The following TMEM272 variants were observed in gnomAD, a reference collection of about 807,000 sequenced individuals.
The protein encoded by TMEM272 is long intergenic non-protein coding RNA 282.
A neutral mutation model predicts 3.7 loss-of-function variants in TMEM272; 8 were observed. The ratio of observed to expected loss-of-function variants is 2.17; its 90% CI spans 1.27 to 3.91. TMEM272 has a LOEUF of 3.91. Ranked by LOEUF, TMEM272 falls within the 30% of genes most tolerant of loss-of-function variation. The probability of loss-of-function intolerance (pLI) is 0.00; values close to 1 mark genes in which losing one functional copy is unlikely to be tolerated. For synonymous variants in TMEM272, 63 were observed against 39.8 expected, an observed-to-expected ratio of 1.58 and a Z score of -2.20; for missense variants, 166 against 91.5, an observed-to-expected ratio of 1.81 and a Z score of -3.32.
At chr13:51,927,320 C>T in the TMEM272 span, among the ~76,000 whole-genome samples, 1 of 152,172 alleles carries the variant, frequency 6.6e-6, no homozygotes, top group African/African-American at 2.4e-5. Context: ...CCACGGCCCA[C>T]TCGCTGCTGT....
chr13:51,875,830 A>G, the TMEM272 span, among the ~76,000 whole-genome samples: 2 of 152,178 alleles, frequency 1.3e-5, no homozygotes, highest in Non-Finnish European at 2.9e-5. Flanking sequence ...GAAGGCCTCC[A>G]GGTATGAGAC....
the TMEM272 span, among the ~76,000 whole-genome samples, chr13:51,921,067 C>T: frequency 6.6e-6 from 1 of 152,348 alleles, no homozygotes; most frequent in East Asian, 1.9e-4. Context: ...AGAGAGCTTG[C>T]TGTATCAGGA....
the TMEM272 span, chr13:51,866,092 G>T: frequency 6.4e-6 from 10 of 1,551,876 alleles, no homozygotes; most frequent in Non-Finnish European, 8.7e-6. Flanking sequence ...CAGCATGCAG[G>T]TGCAGGGCCC....
intron 2 of TMEM272, among the ~76,000 whole-genome samples, chr13:51,836,500 C>A (rs1029129239): frequency 6.6e-6 from 1 of 152,154 alleles, no homozygotes; most frequent in Non-Finnish European, 1.5e-5. Flanking sequence ...ACATTCTTCA[C>A]CTTGTATTTG....
At chr13:51,896,280 T>G in the TMEM272 span, among the ~76,000 whole-genome samples, 1 of 152,224 alleles carries the variant, frequency 6.6e-6, no homozygotes, top group East Asian at 1.9e-4. Context: ...TATAAAAGAT[T>G]TTCAAAGCCT....
At chr13:51,870,054 T>C in the TMEM272 span, among the ~76,000 whole-genome samples, 1 of 152,200 alleles carries the variant, frequency 6.6e-6, no homozygotes, top group Non-Finnish European at 1.5e-5. Context: ...CTGCTGCTTC[T>C]TAGTCTTTAT....
chr13:51,922,986 C>G, the TMEM272 span, among the ~76,000 whole-genome samples: 1 of 152,214 alleles, frequency 6.6e-6, no homozygotes, highest in Non-Finnish European at 1.5e-5. Context: ...CTCCTTTTGC[C>G]CTTCACAGGC....
the TMEM272 span, among the ~76,000 whole-genome samples, chr13:51,887,846 AGT>A: frequency 6.6e-6 from 1 of 152,170 alleles, no homozygotes; most frequent in Non-Finnish European, 1.5e-5. Context: ...AGTAAAGGCA[AGT>A]TGGGCCATTT....
the TMEM272 span, among the ~76,000 whole-genome samples, chr13:51,854,161 TG>T: frequency 6.6e-6 from 1 of 152,326 alleles, no homozygotes; most frequent in African/African-American, 2.4e-5. Context: ...AGCTCGCTGA[TG>T]TTAAGTGATT....
chr13:51,855,079 AT>A, the TMEM272 span, among the ~76,000 whole-genome samples: 1 of 152,196 alleles, frequency 6.6e-6, no homozygotes, highest in Non-Finnish European at 1.5e-5. Flanking sequence ...CCCTCAAATT[AT>A]TTGTTGATTT....
At chr13:51,896,547 T>G in the TMEM272 span, among the ~76,000 whole-genome samples, 1 of 152,124 alleles carries the variant, frequency 6.6e-6, no homozygotes, top group African/African-American at 2.4e-5. Flanking sequence ...GTTGTTCAAG[T>G]TGTCGGTGCA....
At chr13:51,850,656 G>C in the TMEM272 span, among the ~76,000 whole-genome samples, 11 of 152,098 alleles carry the variant, frequency 7.2e-5, no homozygotes, top group African/African-American at 2.7e-4. Flanking sequence ...TCAATAAACA[G>C]AGCTATACCA....
the TMEM272 span, among the ~76,000 whole-genome samples, chr13:51,873,742 G>T: frequency 9.9e-5 from 15 of 152,202 alleles, no homozygotes; most frequent in Non-Finnish European, 1.9e-4. Flanking sequence ...GGCTGACTCT[G>T]AAGAGCCTTT....
the TMEM272 span, among the ~76,000 whole-genome samples, chr13:51,875,389 C>A: frequency 6.6e-6 from 1 of 152,138 alleles, no homozygotes; most frequent in Non-Finnish European, 1.5e-5. Context: ...TCCCTTAAAG[C>A]AGCTAAAGTA....
chr13:51,910,964 G>A, the TMEM272 span, among the ~76,000 whole-genome samples: 9 of 152,214 alleles, frequency 5.9e-5, no homozygotes, highest in Non-Finnish European at 1.0e-4. Context: ...GCAGTCTTGT[G>A]CATGAGCCCA....
the TMEM272 span, among the ~76,000 whole-genome samples, chr13:51,930,876 TTTA>T: frequency 6.6e-6 from 1 of 152,150 alleles, no homozygotes. Context: ...TAAAAAAGGT[TTTA>T]TTTATTAATC....
chr13:51,896,891 C>T, the TMEM272 span, among the ~76,000 whole-genome samples: 12 of 152,178 alleles, frequency 7.9e-5, no homozygotes, highest in Admixed American at 6.5e-4. Context: ...GGGTAGGACC[C>T]AGGCAGGTAT....
At chr13:51,918,534 C>T in the TMEM272 span, among the ~76,000 whole-genome samples, 6 of 152,300 alleles carry the variant, frequency 3.9e-5, no homozygotes, top group East Asian at 1.2e-3. Flanking sequence ...TCAAGATGTT[C>T]AGGGTGGGTA....
At chr13:51,915,638 A>G in the TMEM272 span, among the ~76,000 whole-genome samples, 1 of 152,186 alleles carries the variant, frequency 6.6e-6, no homozygotes, top group Non-Finnish European at 1.5e-5. Context: ...CACGAAGTGG[A>G]CAGTGGGAGT....
Sources: gnomAD v4.1 joint callset for allele counts (sites outside exome capture counted in the v4.1 genomes callset) on GRCh38, gnomAD v4.1.1 for gene constraint, MANE v1.5 for transcripts, NCBI Gene and HGNC (gene_info 2026-07-23, HGNC 2026-07-21) for gene names.